SP8: variants seen among roughly 807,000 people sequenced by gnomAD.
SP8 encodes transcription factor Sp8.
Under a neutral mutation model 15.3 loss-of-function variants are expected in SP8, and 7 were observed. The ratio of observed to expected loss-of-function variants is 0.46; its 90% CI spans 0.26 to 0.86. SP8 has a LOEUF of 0.86. Among genes scored for constraint, SP8 ranks in the 40% least tolerant of loss-of-function variants. The probability of loss-of-function intolerance (pLI) is 0.16; values close to 1 mark genes in which losing one functional copy is unlikely to be tolerated. For synonymous variants in SP8, 415 were observed against 356.3 expected, an observed-to-expected ratio of 1.16 and a Z score of -1.86; for missense variants, 731 against 736.4, an observed-to-expected ratio of 0.99 and a Z score of 0.09.
At position 20,786,669 on chromosome 7, in the gene SP8, T is replaced by A; in HGVS notation, c.21+109A>T. On this transcript the variant is annotated intron_variant, in intron 1 of 1. Transcript: ENST00000418710. This position sits in a 1 kb window ranked among gnomAD's most constrained non-coding sequence, Gnocchi z 4.4. ...ATTTAAAGAAAAAAAAAAAAAGCTC[T>A]CAATAGAGAGACTGATAGCCCGTGG... The A allele has an allele frequency of 1.2e-6, 1 of 861,688 alleles. No individual in the cohort carries two copies. The highest frequency in any genetic ancestry group is 1.9e-6 in the Non-Finnish European group (1 of 515,352). 53.4% of individuals were successfully genotyped at this position (861,688 alleles called of 1,614,324 possible). A position where few individuals can be genotyped will look rare whatever the true frequency, so the allele number is the denominator to read the frequency against.
chr7:20,785,333 CG>C lies in SP8; in HGVS notation c.483del (p.Gly162AlafsTer115), dbSNP rs1392490709. ...GAGTGCGCGGAGGAGCCGCCGCCGC[CG>C]CCCCCGCCGCCGCCGCCGCTGCCCC... ...VSGGSGGGGGGGGGGSSAHSQ... is the reference protein window; with the variant it reads ...VSGGSGGGGGXGGGGSSAHSQ... On this transcript the variant is annotated frameshift_variant, in exon 2 of 2. Transcript: ENST00000418710. LOFTEE classifies it low-confidence loss of function (END_TRUNC). The surrounding 1 kb of genome is among the most constrained non-coding windows in gnomAD (Gnocchi z 7.2). The C allele has an allele frequency of 4.0e-5, 55 of 1,373,848 alleles. No individual in the cohort carries two copies. Among genetic ancestry groups the C allele is most frequent in the Admixed American group, 8.0e-5 (3 of 37,570 alleles). 85.1% of individuals were successfully genotyped at this position (1,373,848 alleles called of 1,614,324 possible). A position where few individuals can be genotyped will look rare whatever the true frequency, so the allele number is the denominator to read the frequency against.
chr7:20,784,307 G>C lies in SP8; in HGVS notation c.1510C>G (p.Arg504Gly). 11 of 1,497,568 alleles carry C rather than the reference G, an allele frequency of 7.3e-6. 2 individuals carry two copies. The South Asian group carries it at 1.0e-4, about 14-fold the overall frequency. The allele number at this position is 1,497,568 out of a possible 1,614,324, so 92.8% of individuals were successfully genotyped here. The change falls in exon 2 of 2, where the codon CGC becomes GGC. Residue 504 changes from arginine (R) to glycine (G), a missense_variant. Physicochemically the swap from Arg to Gly is moderately radical, Grantham distance 125 (BLOSUM62 -2). Around this residue, in one of 3 missense-constraint regions of SP8, gnomAD observed 114 missense variants for 111.9 expected, o/e 1.02. Transcript: ENST00000418710. ...ELLQPPEPGHRNGLE is the reference protein window; with the variant it reads ...ELLQPPEPGHGNGLE ...GGTGGGCGTCACTCTAGGCCGTTGC[G>C]GTGCCCGGGCTCGGGGGGCTGCAGC...
rs889241703 is a variant in SP8, at chr7:20,786,660, A to G, written c.21+118T>C. 6 of 832,014 alleles carry G rather than the reference A, an allele frequency of 7.2e-6. No individual in the cohort carries two copies. In the African/African-American group the frequency reaches 8.6e-5, roughly 12 times the overall value. 51.5% of individuals were successfully genotyped at this position (832,014 alleles called of 1,614,324 possible). The stretch of plus-strand genomic sequence containing the variant: ...CTCACTTGTATTTAAAGAAAAAAAA[A>G]AAAAGCTCTCAATAGAGAGACTGAT... On this transcript the variant is annotated intron_variant, in intron 1 of 1. Coordinates refer to ENST00000418710, the MANE Select transcript of SP8 (RefSeq NM_182700.6). This position sits in a 1 kb window ranked among gnomAD's most constrained non-coding sequence, Gnocchi z 4.4.
chr7:20,786,688 C>T lies in SP8; in HGVS notation c.21+90G>A. 1 of 1,066,508 alleles carries T rather than the reference C, an allele frequency of 9.4e-7. No homozygotes were observed. Among genetic ancestry groups the T allele is most frequent in the Non-Finnish European group, 1.5e-6 (1 of 680,164 alleles). 66.1% of individuals were successfully genotyped at this position (1,066,508 alleles called of 1,614,324 possible). ...AAGCTCTCAATAGAGAGACTGATAG[C>T]CCGTGGCCTGGCCGGGGCGACTTTA... On this transcript the variant is annotated intron_variant, in intron 1 of 1. Coordinates refer to ENST00000418710, the MANE Select transcript of SP8 (RefSeq NM_182700.6). This position sits in a 1 kb window ranked among gnomAD's most constrained non-coding sequence, Gnocchi z 4.4.
Position 20,785,328 on chromosome 7 carries a change from GCCGCCGCCC to G in SP8, c.480_488del (p.Gly163_Gly165del), listed in dbSNP as rs756323747. The G allele has an allele frequency of 4.0e-6, 6 of 1,486,564 alleles. No homozygotes were observed. The Admixed American group carries it at 7.1e-5, about 18-fold the overall frequency. The allele number at this position is 1,486,564 out of a possible 1,614,324, so 92.1% of individuals were successfully genotyped here. A position where few individuals can be genotyped will look rare whatever the true frequency, so the allele number is the denominator to read the frequency against. On this transcript the variant is annotated inframe_deletion, in exon 2 of 2. Transcript: ENST00000418710. This position sits in a 1 kb window ranked among gnomAD's most constrained non-coding sequence, Gnocchi z 7.2. Reference sequence around the variant, plus strand: ...CCTGCGAGTGCGCGGAGGAGCCGCCGCCGCCGCCCCCGCCGCCGCCGCCGCTGCCCCCGG... The same window carrying G: ...CCTGCGAGTGCGCGGAGGAGCCGCCGCCGCCGCCGCCGCCGCTGCCCCCGG...
rs1033673754 is a variant in SP8, at chr7:20,784,025, G to A, written c.*265C>T. 2.3e-6 allele frequency: 1 copy of A among 435,342 alleles called. No homozygotes were observed. Among genetic ancestry groups the A allele is most frequent in the Admixed American group, 4.4e-5 (1 of 22,838 alleles). 27.0% of individuals were successfully genotyped at this position (435,342 alleles called of 1,614,324 possible). A position where few individuals can be genotyped will look rare whatever the true frequency, so the allele number is the denominator to read the frequency against. On this transcript the variant is annotated 3_prime_UTR_variant, in exon 2 of 2. Transcript: ENST00000418710. ...GAGAAATAAAGGCCCGACGAGGCGC[G>A]GGTTCCGGCTGCAACGGGTTCAGGC... is the stretch of plus-strand genomic sequence containing the variant.
At position 20,784,309 on chromosome 7, in the gene SP8, T is replaced by A; in HGVS notation, c.1508A>T (p.His503Leu). The A allele has an allele frequency of 6.7e-7, 1 of 1,496,122 alleles. No homozygotes were observed. The highest frequency in any genetic ancestry group is 8.8e-7 in the Non-Finnish European group (1 of 1,130,294). The allele number at this position is 1,496,122 out of a possible 1,614,324, so 92.7% of individuals were successfully genotyped here. ...PELLQPPEPGHRNGLE is the reference protein window; with the variant it reads ...PELLQPPEPGLRNGLE ...TGGGCGTCACTCTAGGCCGTTGCGGTGCCCGGGCTCGGGGGGCTGCAGCAG... is the reference window on the plus strand; with the variant it reads ...TGGGCGTCACTCTAGGCCGTTGCGGAGCCCGGGCTCGGGGGGCTGCAGCAG... The change falls in exon 2 of 2, where the codon CAC becomes CTC. Residue 503 changes from histidine to leucine, a missense_variant. Coordinates refer to ENST00000418710, the MANE Select transcript of SP8 (RefSeq NM_182700.6).
Position 20,784,599 on chromosome 7 carries a change from G to A in SP8, c.1218C>T (p.Cys406=). The A allele has an allele frequency of 6.2e-7, 1 of 1,608,456 alleles. No homozygotes were observed. Among genetic ancestry groups the A allele is most frequent in the South Asian group, 1.1e-5 (1 of 90,508 alleles). The change falls in exon 2 of 2, where the codon TGC becomes TGT. Residue 406 remains cysteine, a synonymous_variant. Transcript: ENST00000418710. The stretch of plus-strand genomic sequence containing the variant: ...AGCGCTTGCCGCAGAAAAGCCAGTT[G>A]CACACGAAGGGCCGCTCGCCCGTGT... The part of the protein sequence containing the change: ...RWHTGERPFV[C]NWLFCGKRFT...
At position 20,784,814 on chromosome 7, in the gene SP8, C is replaced by T. The variant is rs966796330; in HGVS notation, c.1003G>A (p.Gly335Ser). 2 of 1,526,824 alleles carry T rather than the reference C, an allele frequency of 1.3e-6. No individual in the cohort carries two copies. The highest frequency in any genetic ancestry group is 1.4e-5 in the African/African-American group (1 of 71,030). 94.6% of individuals were successfully genotyped at this position (1,526,824 alleles called of 1,614,324 possible). The change falls in exon 2 of 2, where the codon GGC becomes AGC. Residue 335 changes from glycine to serine, a missense_variant. Around this residue, in one of 3 missense-constraint regions of SP8, gnomAD observed 586 missense variants for 524.9 expected, o/e 1.12. Transcript: ENST00000418710. ...CGGCGAGCTGAGGAGCGCGGGGAGC[C>T]CCCCAGCGGCGCCGAAGGCCCAGCG... is the stretch of plus-strand genomic sequence containing the variant. ...LSAGPSAPLGGSPRSSARRYS... is the reference protein window; with the variant it reads ...LSAGPSAPLGSSPRSSARRYS...
In SP8 at chr7:20,786,718, C is replaced by T; in HGVS notation, c.21+60G>A. The T allele has an allele frequency of 6.6e-7, 1 of 1,512,886 alleles. No individual in the cohort carries two copies. The highest frequency in any genetic ancestry group is 1.1e-5 in the South Asian group (1 of 89,110). 93.7% of individuals were successfully genotyped at this position (1,512,886 alleles called of 1,614,324 possible). ...GGCCTGGCCGGGGCGACTTTAACCC[C>T]CTCCAATCGGCAATAAAAGGAAACT... On this transcript the variant is annotated intron_variant, in intron 1 of 1. Coordinates refer to ENST00000418710, the MANE Select transcript of SP8 (RefSeq NM_182700.6). This position sits in a 1 kb window ranked among gnomAD's most constrained non-coding sequence, Gnocchi z 4.4.
chr7:20,784,189 C>T lies in SP8; in HGVS notation c.*101G>A. 9.7e-7 allele frequency: 1 copy of T among 1,031,252 alleles called. No homozygotes were observed. Among genetic ancestry groups the T allele is most frequent in the Non-Finnish European group, 1.3e-6 (1 of 766,768 alleles). 63.9% of individuals were successfully genotyped at this position (1,031,252 alleles called of 1,614,324 possible). The stretch of plus-strand genomic sequence containing the variant: ...AAACAGAAAGAGACAGAGAGCGAGT[C>T]GGATGCAATAGGGAAAGGCTGGAGT... On this transcript the variant is annotated 3_prime_UTR_variant, in exon 2 of 2. Coordinates refer to ENST00000418710, the MANE Select transcript of SP8 (RefSeq NM_182700.6).
rs1288621732 is a variant in SP8, at chr7:20,786,342, T to C, written c.21+436A>G. Among the ~76,000 whole-genome samples, 1 of 152,148 alleles carries C rather than the reference T, an allele frequency of 6.6e-6. No individual in the cohort carries two copies. Among genetic ancestry groups the C allele is most frequent in the Non-Finnish European group, 1.5e-5 (1 of 68,006 alleles). ...TCCTGCTTTTCTTTCTTTCTTTTTT[T>C]AAAAGCATATCTACAGTAGTAAAAA... On this transcript the variant is annotated intron_variant, in intron 1 of 1. Coordinates refer to ENST00000418710, the MANE Select transcript of SP8 (RefSeq NM_182700.6). The surrounding 1 kb of genome is among the most constrained non-coding windows in gnomAD (Gnocchi z 4.4).
At position 20,783,296 on chromosome 7, in the gene SP8, G is replaced by A. The variant is rs1247990984; in HGVS notation, c.*994C>T. 2.0e-5 allele frequency: 3 copies of A among 152,504 alleles called. No individual in the cohort carries two copies. Among genetic ancestry groups the A allele is most frequent in the African/African-American group, 7.2e-5 (3 of 41,394 alleles). 9.4% of individuals were successfully genotyped at this position (152,504 alleles called of 1,614,324 possible). ...GGACAAACATGGAGATAGTTAATCT[G>A]GTCTCACCGGAAAGGAGTATTTTTG... On this transcript the variant is annotated 3_prime_UTR_variant, in exon 2 of 2. Coordinates refer to ENST00000418710, the MANE Select transcript of SP8 (RefSeq NM_182700.6).
At position 20,783,884 on chromosome 7, in the gene SP8, C is replaced by T. The variant is rs1583483718; in HGVS notation, c.*406G>A. ...CGAGCCGCTCCTGCCCGCGCGAGGCCCGCTGTCTACCAGGCACTGGATTAG... is the reference window on the plus strand; with the variant it reads ...CGAGCCGCTCCTGCCCGCGCGAGGCTCGCTGTCTACCAGGCACTGGATTAG... On this transcript the variant is annotated 3_prime_UTR_variant, in exon 2 of 2. Coordinates refer to ENST00000418710, the MANE Select transcript of SP8 (RefSeq NM_182700.6). 1 of 174,364 alleles carries T rather than the reference C, an allele frequency of 5.7e-6. No homozygotes were observed. The highest frequency in any genetic ancestry group is 1.6e-4 in the East Asian group (1 of 6,170). 10.8% of individuals were successfully genotyped at this position (174,364 alleles called of 1,614,324 possible).
chr7:20,785,045 G>T lies in SP8; in HGVS notation c.772C>A (p.Leu258Ile). 1 of 1,578,674 alleles carries T rather than the reference G, an allele frequency of 6.3e-7. No individual in the cohort carries two copies. The change falls in exon 2 of 2, where the codon CTC becomes ATC. Residue 258 changes from leucine to isoleucine, a missense_variant. This residue lies in a region of SP8 where 586 missense variants were observed against 524.9 expected (regional missense o/e 1.12). Coordinates refer to ENST00000418710, the MANE Select transcript of SP8 (RefSeq NM_182700.6). This position sits in a 1 kb window ranked among gnomAD's most constrained non-coding sequence, Gnocchi z 7.2. Reference sequence around the variant, plus strand: ...AGCGGCGAGTGCAGCGAGGTTTGGAGCCCCCCGGCGGCAGGGTGCAGCGAG... The same window carrying T: ...AGCGGCGAGTGCAGCGAGGTTTGGATCCCCCCGGCGGCAGGGTGCAGCGAG... ...PGSLHPAAGG[L>I]QTSLHSPLGG...
In SP8 at chr7:20,783,280, T is replaced by A. The variant is rs528749227; in HGVS notation, c.*1010A>T. 3 of 152,534 alleles carry A rather than the reference T, an allele frequency of 2.0e-5. No individual in the cohort carries two copies. The highest frequency in any genetic ancestry group is 4.4e-5 in the Non-Finnish European group (3 of 68,028). 9.4% of individuals were successfully genotyped at this position (152,534 alleles called of 1,614,324 possible). On this transcript the variant is annotated 3_prime_UTR_variant, in exon 2 of 2. Transcript: ENST00000418710. ...AAAACGAGGTAGAAAAGGACAAACA[T>A]GGAGATAGTTAATCTGGTCTCACCG...
rs1274612805 is a variant in SP8 at position 20,782,603 on chromosome 7, T to G, written c.*1687A>C. On this transcript the variant is annotated 3_prime_UTR_variant, in exon 2 of 2. Transcript: ENST00000418710. ...CACTTATTATGAAATATAGGAGAAC[T>G]CTCACTTTAACTATGCCTGAACTGC... 2 of 152,634 alleles carry G rather than the reference T, an allele frequency of 1.3e-5. No homozygotes were observed. Among genetic ancestry groups the G allele is most frequent in the Non-Finnish European group, 1.5e-5 (1 of 68,036 alleles). The allele number at this position is 152,634 out of a possible 1,614,324, so 9.5% of individuals were successfully genotyped here.
rs1583485898 is a variant in SP8 at position 20,786,054 on chromosome 7, G to A, written c.22-259C>T. 7.4e-7 allele frequency: 1 copy of A among 1,353,248 alleles called. No individual in the cohort carries two copies. The highest frequency in any genetic ancestry group is 2.8e-4 in the Middle Eastern group (1 of 3,612). 83.8% of individuals were successfully genotyped at this position (1,353,248 alleles called of 1,614,324 possible). On this transcript the variant is annotated intron_variant, in intron 1 of 1. Transcript: ENST00000418710. This position sits in a 1 kb window ranked among gnomAD's most constrained non-coding sequence, Gnocchi z 4.4. ...GGAGCAAGCACCACGCTAAAGAAGA[G>A]TTTGACAAGTATTCTCACCTAAAAC...
rs1783665138 is a variant in SP8, at chr7:20,785,888, A to G, written c.22-93T>C. 4 of 1,473,926 alleles carry G rather than the reference A, an allele frequency of 2.7e-6. No homozygotes were observed. The highest frequency in any genetic ancestry group is 2.5e-5 in the East Asian group (1 of 40,180). 91.3% of individuals were successfully genotyped at this position (1,473,926 alleles called of 1,614,324 possible). A position where few individuals can be genotyped will look rare whatever the true frequency, so the allele number is the denominator to read the frequency against. ...AAGAAATGTGCATCAGTCCTTCGGTAGCCTCCAAAGCGCCCCACTGCACCC... is the reference window on the plus strand; with the variant it reads ...AAGAAATGTGCATCAGTCCTTCGGTGGCCTCCAAAGCGCCCCACTGCACCC... On this transcript the variant is annotated intron_variant, in intron 1 of 1. Coordinates refer to ENST00000418710, the MANE Select transcript of SP8 (RefSeq NM_182700.6). The surrounding 1 kb of genome is among the most constrained non-coding windows in gnomAD (Gnocchi z 7.2).
Sources: gnomAD v4.1 joint callset for allele counts (sites outside exome capture counted in the v4.1 genomes callset) on GRCh38, gnomAD v4.1.1 for gene constraint, gnomAD v4.1.1 regional missense constraint, Gnocchi (gnomAD v3.1) non-coding constraint, MANE v1.5 for transcripts, NCBI Gene and HGNC (gene_info 2026-07-23, HGNC 2026-07-21) for gene names.